Variants in CTNNA2 observed in about 807,000 individuals in gnomAD.
CTNNA2 encodes the protein catenin alpha-2.
CTNNA2 carries 42 observed loss-of-function variants against 101.0 expected under a neutral mutation model. That is an observed-to-expected ratio of 0.42 (90% confidence interval 0.32 to 0.54). CTNNA2 has a LOEUF of 0.54. Ranked by LOEUF, CTNNA2 falls within the 20% of genes least tolerant of loss-of-function variation. CTNNA2 has a pLI of 0.14. For synonymous variants in CTNNA2, 450 were observed against 456.4 expected (o/e 0.99, Z 0.18); for missense variants, 871 against 1,223.1 (o/e 0.71, Z 4.29).
intron 8 of CTNNA2, 133 bp from the exon 9 acceptor site, chr2:80,419,316 G>A (rs1361320237): frequency 1.5e-6 from 1 of 666,086 alleles, no homozygotes; most frequent in Non-Finnish European, 2.5e-6. Context: ...TGTAAGCACT[G>A]GGAAAATTTT....
At chr2:79,705,495 CAGG>C (rs1395361957) in intron 2 of CTNNA2, among the ~76,000 whole-genome samples, 1 of 152,134 alleles carries the variant, frequency 6.6e-6, no homozygotes, top group Admixed American at 6.5e-5. Context: ...TCCATGGTTT[CAGG>C]TGTCCACTGG....
At chr2:79,389,624 G>C (rs1484839983) in intron 4 of CTNNA2, among the ~76,000 whole-genome samples, 2 of 152,202 alleles carry the variant, frequency 1.3e-5, no homozygotes, top group Non-Finnish European at 2.9e-5. Flanking sequence ...AGTCATATGA[G>C]TGTCATGCAC....
Position 79,813,542 on chromosome 2 carries a change from A to C in CTNNA2, c.299-44471A>C, listed in dbSNP as rs76946281. On this transcript the variant is annotated intron_variant, in intron 3 of 18. Coordinates refer to ENST00000402739, the MANE Select transcript of CTNNA2 (RefSeq NM_001282597.3). ...ATTTACTGAAATGGGGAATATAATG[A>C]TGATTCACTATACCTTCAATTCAAT... Among the ~76,000 whole-genome samples the C allele has an allele frequency of 2.7e-3, 412 of 152,302 alleles. 1 individual carries two copies. Among genetic ancestry groups the C allele is most frequent in the South Asian group, 3.5e-3 (17 of 4,828 alleles).
chr2:80,544,354 G>A (rs1182205597), intron 9 of CTNNA2, among the ~76,000 whole-genome samples: 1 of 151,966 alleles, frequency 6.6e-6, no homozygotes, highest in Admixed American at 6.6e-5. Flanking sequence ...AAACAAGGAG[G>A]CCATCAAATT....
chr2:80,273,013 G>A (rs746462387), intron 7 of CTNNA2, among the ~76,000 whole-genome samples: 8 of 152,314 alleles, frequency 5.3e-5, no homozygotes, highest in Non-Finnish European at 1.0e-4. Flanking sequence ...AGATTATTCT[G>A]TTGGGAAAGC....
chr2:80,245,796 T>G (rs909824222), intron 7 of CTNNA2, among the ~76,000 whole-genome samples: 19 of 46,964 alleles, frequency 4.0e-4, no homozygotes, highest in Admixed American at 1.4e-3. Flanking sequence ...TGATTTAACT[T>G]TTTTTTTTTT....
chr2:79,634,195 C>T (rs1679869207), intron 1 of CTNNA2, among the ~76,000 whole-genome samples: 1 of 152,188 alleles, frequency 6.6e-6, no homozygotes, highest in South Asian at 2.1e-4. Context: ...CCCTGAATTA[C>T]ATCATGGTAT....
At chr2:79,934,030 C>T (rs925367210) in intron 7 of CTNNA2, among the ~76,000 whole-genome samples, 2 of 152,046 alleles carry the variant, frequency 1.3e-5, no homozygotes, top group African/African-American at 4.8e-5. Flanking sequence ...AGGTTCAGGT[C>T]GGCACTAAGC....
intron 9 of CTNNA2, among the ~76,000 whole-genome samples, chr2:80,435,716 G>T (rs1681964676): frequency 6.6e-6 from 1 of 152,202 alleles, no homozygotes; most frequent in Admixed American, 6.5e-5. Flanking sequence ...GTTATTAAAT[G>T]CAACCACAGA....
chr2:80,032,642 TAGC>T (rs1695364546), intron 7 of CTNNA2, among the ~76,000 whole-genome samples: 1 of 152,216 alleles, frequency 6.6e-6, no homozygotes, highest in South Asian at 2.1e-4. Context: ...CTGAGTGAAG[TAGC>T]AGTATATGAT....
intron 7 of CTNNA2, among the ~76,000 whole-genome samples, chr2:80,125,431 C>T (rs1216409697): frequency 6.6e-6 from 1 of 152,110 alleles, no homozygotes; most frequent in African/African-American, 2.4e-5. Flanking sequence ...CTGTAGACAG[C>T]TCTTGGATAT....
intron 3 of CTNNA2, among the ~76,000 whole-genome samples, chr2:79,321,311 T>TA (rs1337824981): frequency 6.6e-6 from 1 of 152,006 alleles, no homozygotes; most frequent in Non-Finnish European, 1.5e-5. Flanking sequence ...TATCACCTCT[T>TA]ACGTAGGGCA....
intron 3 of CTNNA2, among the ~76,000 whole-genome samples, chr2:79,811,490 T>G (rs1418259574): frequency 2.6e-5 from 4 of 152,176 alleles, no homozygotes; most frequent in Non-Finnish European, 5.9e-5. Context: ...TCCACTCAGA[T>G]GGTAGTTTCT....
intron 4 of CTNNA2, among the ~76,000 whole-genome samples, chr2:79,464,897 G>A (rs1455581411): frequency 1.3e-5 from 2 of 151,910 alleles, no homozygotes; most frequent in Non-Finnish European, 2.9e-5. Flanking sequence ...TTTGTCAGAT[G>A]AGTAGATTGC....
intron 5 of CTNNA2, among the ~76,000 whole-genome samples, chr2:79,870,542 T>C (rs1390003767): frequency 2.0e-5 from 3 of 152,124 alleles, no homozygotes; most frequent in Non-Finnish European, 2.9e-5. Flanking sequence ...CTCATGATGC[T>C]GTGTGACCTG....
intron 2 of CTNNA2, among the ~76,000 whole-genome samples, chr2:79,667,807 A>G (rs1484435754): frequency 6.6e-6 from 1 of 152,240 alleles, no homozygotes; most frequent in African/African-American, 2.4e-5. Flanking sequence ...ACATTTATTA[A>G]TGTATTCAGG....
At chr2:80,387,232 T>G (rs1310614092) in intron 7 of CTNNA2, among the ~76,000 whole-genome samples, 1 of 151,918 alleles carries the variant, frequency 6.6e-6, no homozygotes, top group Non-Finnish European at 1.5e-5. Context: ...GAGCTTGCAG[T>G]GAGCCGAGAT....
chr2:79,528,669 T>C (rs1162141402), intron 1 of CTNNA2, among the ~76,000 whole-genome samples: 2 of 152,188 alleles, frequency 1.3e-5, no homozygotes, highest in African/African-American at 4.8e-5. Context: ...TTAAATCATG[T>C]ATTTTTTCAC....
At position 79,286,273 on chromosome 2, in the gene CTNNA2, A is replaced by T. The variant is rs1278590138; in HGVS notation, c.-405-26436A>T. Among the ~76,000 whole-genome samples the T allele has an allele frequency of 3.3e-5, 5 of 152,038 alleles. No homozygotes were observed. In the East Asian group the frequency reaches 7.7e-4, roughly 24 times the overall value. On this transcript the variant is annotated intron_variant, in intron 2 of 21. Transcript: ENST00000466387. ...ATTTACATTTAAAGTTAATATTGTT[A>T]TGTGTGAATTTGATCTGTCATTATG...
Sources: allele counts gnomAD v4.1 joint callset (sites outside exome capture counted in the v4.1 genomes callset), GRCh38; gene constraint gnomAD v4.1.1; transcripts MANE v1.5; gene names NCBI Gene and HGNC (gene_info 2026-07-23, HGNC 2026-07-21).